TMPRSS3: variants seen among roughly 807,000 people sequenced by gnomAD.
TMPRSS3 encodes the protein transmembrane serine protease 3.
Under a neutral mutation model 59.6 loss-of-function variants are expected in TMPRSS3, and 55 were observed. The ratio of observed to expected loss-of-function variants is 0.92; its 90% CI spans 0.74 to 1.16. The LOEUF (loss-of-function observed/expected upper bound fraction) is 1.16. TMPRSS3 is among the 50% of genes most tolerant of loss of function. The pLI, the probability that TMPRSS3 is intolerant of heterozygous loss-of-function variation, is 0.00. For synonymous variants in TMPRSS3, 257 were observed against 237.7 expected (o/e 1.08, Z -0.75); for missense variants, 596 against 579.4 (o/e 1.03, Z -0.29).
At chr21:42,380,538 A>T (rs1294571399) in intron 9 of TMPRSS3, among the ~76,000 whole-genome samples, 2 of 152,238 alleles carry the variant, frequency 1.3e-5, no homozygotes, top group African/African-American at 4.8e-5. Flanking sequence ...CCATTGGAGC[A>T]TGAAGACAGC....
chr21:42,375,623 C>T (rs575403568), intron 12 of TMPRSS3, 93 bp downstream of exon 12: 16 of 1,544,228 alleles, frequency 1.0e-5, no homozygotes, highest in African/African-American at 1.4e-5. Context: ...CTGGGTCACG[C>T]CCTGGTTTTT....
Position 42,376,567 on chromosome 21 carries a change from G to C in TMPRSS3, c.1165C>G (p.Leu389Val), listed in dbSNP as rs371402895. The C allele has an allele frequency of 1.2e-6, 2 of 1,613,682 alleles. No homozygotes were observed. The highest frequency in any genetic ancestry group is 1.7e-5 in the Admixed American group (1 of 60,026). Residue 389 changes from leucine to valine, a missense_variant, in exon 11 of 13, where the codon CTG becomes GTG. By Grantham distance (32) the Leu-to-Val change is conservative. Transcript: ENST00000644384. ...TGGCAGCTGTCCACGCCACCCGTCA[G>C]GTAGCCCGCGCAGAGCATGGAGGGG... ...ISPSMLCAGYLTGGVDSCQGD... is the reference protein window; with the variant it reads ...ISPSMLCAGYVTGGVDSCQGD...
At chr21:42,383,289 A>C (rs2052568267) in intron 7 of TMPRSS3, 91 bp from the exon 8 acceptor site, 1 of 1,389,296 alleles carries the variant, frequency 7.2e-7, no homozygotes. Flanking sequence ...CTCTCTCCCC[A>C]CCCTCACTGC....
rs544311006 is a variant in TMPRSS3 at position 42,386,769 on chromosome 21, G to A, written c.447-1235C>T. Among the ~76,000 whole-genome samples, 6 of 142,230 alleles carry A rather than the reference G, an allele frequency of 4.2e-5. No homozygotes were observed. In the East Asian group the frequency reaches 6.3e-4, roughly 15 times the overall value. The allele number at this position is 142,230 out of a possible 152,430, so 93.3% of individuals were successfully genotyped here. On this transcript the variant is annotated intron_variant, in intron 5 of 12. Transcript: ENST00000644384. ...TGAACCCAAGCAATCTAGCTTGACC[G>A]TCCTTTGGTTATTTATTTATTTATT...
At chr21:42,385,564 C>T (rs756177653) in intron 5 of TMPRSS3, 30 bp from the exon 6 acceptor site, 30 of 1,613,398 alleles carry the variant, frequency 1.9e-5, no homozygotes, top group Admixed American at 6.7e-5. Flanking sequence ...ACAGACCCGA[C>T]GTGGTAACTT....
intron 9 of TMPRSS3, among the ~76,000 whole-genome samples, chr21:42,380,813 C>T (rs1308239559): frequency 3.9e-5 from 6 of 152,230 alleles, no homozygotes; most frequent in Admixed American, 3.9e-4. Context: ...CTCGGGCTTT[C>T]GTGTGAACAC....
intron 2 of TMPRSS3, among the ~76,000 whole-genome samples, chr21:42,390,887 C>T (rs1408706434): frequency 1.3e-5 from 2 of 152,164 alleles, no homozygotes; most frequent in Non-Finnish European, 2.9e-5. Flanking sequence ...AGATTATTGG[C>T]AAACCACCAG....
chr21:42,393,933 A>G (rs1216079624), intron 2 of TMPRSS3, among the ~76,000 whole-genome samples: 1 of 152,216 alleles, frequency 6.6e-6, no homozygotes, highest in Non-Finnish European at 1.5e-5. Flanking sequence ...TATTGTTAAA[A>G]TTTTTTAAAA....
rs2052664088 is a variant in TMPRSS3, at chr21:42,388,024, A to G, written c.446+379T>C. On this transcript the variant is annotated intron_variant, in intron 5 of 12. Transcript: ENST00000644384. The surrounding 1 kb of genome is among the most constrained non-coding windows in gnomAD (Gnocchi z 5.1). Reference sequence around the variant, plus strand: ...GGAAGCGTGCATGGACATTGATGTGACCGCCAGGACCAAGCAGGAAAGTGT... The same window carrying G: ...GGAAGCGTGCATGGACATTGATGTGGCCGCCAGGACCAAGCAGGAAAGTGT... 6.6e-6 allele frequency among the ~76,000 whole-genome samples: 1 copy of G among 152,234 alleles called. No individual in the cohort carries two copies. Among genetic ancestry groups the G allele is most frequent in the African/African-American group, 2.4e-5 (1 of 41,470 alleles).
In TMPRSS3 at chr21:42,372,508, A is replaced by C. The variant is rs1395992477; in HGVS notation, c.*254T>G. On this transcript the variant is annotated 3_prime_UTR_variant, in exon 13 of 13. Coordinates refer to ENST00000644384, the MANE Select transcript of TMPRSS3 (RefSeq NM_001256317.3). ...CAGGGAAGCGGAGGCTGCAGTGAGC[A>C]GGGATTTCGCCACTGCACTCCAGCC... 1.6e-6 allele frequency: 1 copy of C among 640,642 alleles called. No individual in the cohort carries two copies. Among genetic ancestry groups the C allele is most frequent in the Non-Finnish European group, 2.9e-6 (1 of 347,454 alleles). 39.7% of individuals were successfully genotyped at this position (640,642 alleles called of 1,614,324 possible). A position where few individuals can be genotyped will look rare whatever the true frequency, so the allele number is the denominator to read the frequency against.
At position 42,383,163 on chromosome 21, in the gene TMPRSS3, C is replaced by A. The variant is rs567975394; in HGVS notation, c.652G>T (p.Val218Leu). ...GAGAGCAAGGACATGTTTCCACCCA[C>A]GATGCGTGAGCTGTAGCCCCTTCTA... Reference protein sequence around the residue: ...GHRRGYSSRIVGGNMSLLSQW... With the variant: ...GHRRGYSSRILGGNMSLLSQW... The change falls in exon 8 of 13, where the codon GTG becomes TTG. Residue 218 changes from valine to leucine, a missense_variant. Physicochemically the swap from Val to Leu is conservative, Grantham distance 32. Coordinates refer to ENST00000644384, the MANE Select transcript of TMPRSS3 (RefSeq NM_001256317.3). The A allele has an allele frequency of 6.2e-7, 1 of 1,614,136 alleles. No individual in the cohort carries two copies. Among genetic ancestry groups the A allele is most frequent in the Admixed American group, 1.7e-5 (1 of 60,020 alleles).
chr21:42,390,166 T>G, intron 2 of TMPRSS3, 129 bp from the exon 3 acceptor site: 1 of 776,540 alleles, frequency 1.3e-6, no homozygotes, highest in South Asian at 1.5e-5. Context: ...GAAAGGTGCC[T>G]TAATTAGGGA....
At position 42,376,656 on chromosome 21, in the gene TMPRSS3, G is replaced by A. The variant is rs200777266; in HGVS notation, c.1076C>T (p.Ala359Val). 2.4e-5 allele frequency: 38 copies of A among 1,614,018 alleles called. No individual in the cohort carries two copies. Among genetic ancestry groups the A allele is most frequent in the East Asian group, 1.3e-4 (6 of 44,896 alleles). The change falls in exon 11 of 13, where the codon GCG (alanine) becomes GTG (valine). Residue 359 changes from alanine (A) to valine (V), a missense_variant. Transcript: ENST00000644384. The stretch of plus-strand genomic sequence containing the variant: ...CTTGTTGGAAATCAAAGGGACGGCC[G>A]CGTGGTTCAGGACAGGGGAGGCGTC... ...GGDASPVLNH[A>V]AVPLISNKIC... is the part of the protein sequence containing the mutation.
At chr21:42,381,998 A>G (rs775799323) in intron 9 of TMPRSS3, 67 bp downstream of exon 9, 5 of 1,595,602 alleles carry the variant, frequency 3.1e-6, no homozygotes, top group East Asian at 2.2e-5. Flanking sequence ...GAATGCTTCA[A>G]TGAGCAATTG....
intron 7 of TMPRSS3, 99 bp downstream of exon 7, chr21:42,383,871 G>T (rs1304767570): frequency 1.5e-6 from 2 of 1,301,448 alleles, no homozygotes; most frequent in East Asian, 2.4e-5. Context: ...AGGAGGAAGG[G>T]ATACAGAGCC....
At chr21:42,383,577 C>G in intron 7 of TMPRSS3, 1 of 506,672 alleles carries the variant, frequency 2.0e-6, no homozygotes, top group Non-Finnish European at 3.6e-6. Flanking sequence ...TCCCTGACTG[C>G]TCCAGACCCC....
At chr21:42,378,358 C>G (rs1363713191) in intron 10 of TMPRSS3, among the ~76,000 whole-genome samples, 1 of 152,234 alleles carries the variant, frequency 6.6e-6, no homozygotes, top group Non-Finnish European at 1.5e-5. Flanking sequence ...CTGTGGGCCC[C>G]TCCAAAATAT....
At position 42,395,452 on chromosome 21, in the gene TMPRSS3, G is replaced by C. The variant is rs751468633; in HGVS notation, c.-35C>G. 1 of 1,560,134 alleles carries C rather than the reference G, an allele frequency of 6.4e-7. No homozygotes were observed. The highest frequency in any genetic ancestry group is 1.7e-5 in the Admixed American group (1 of 59,812). On this transcript the variant is annotated 5_prime_UTR_variant, in exon 2 of 13. Coordinates refer to ENST00000644384, the MANE Select transcript of TMPRSS3 (RefSeq NM_001256317.3). ...TTCAGGACCTCTGACATCCGGCTCCGCCTCCACCTCTACCTCCTTAGCCGA... is the reference window on the plus strand; with the variant it reads ...TTCAGGACCTCTGACATCCGGCTCCCCCTCCACCTCTACCTCCTTAGCCGA...
chr21:42,378,058 T>A (rs1184207623), intron 10 of TMPRSS3, among the ~76,000 whole-genome samples: 1 of 152,176 alleles, frequency 6.6e-6, no homozygotes, highest in Admixed American at 6.5e-5. Flanking sequence ...GGAGCGTAGA[T>A]TGGTGTCCCA....
Sources: allele counts gnomAD v4.1 joint callset (sites outside exome capture counted in the v4.1 genomes callset), GRCh38; gene constraint gnomAD v4.1.1; non-coding constraint Gnocchi (gnomAD v3.1); transcripts MANE v1.5; gene names NCBI Gene and HGNC (gene_info 2026-07-23, HGNC 2026-07-21).